Variants in PHACTR2 observed in about 807,000 individuals in gnomAD.
The protein encoded by PHACTR2 is chromosome 6 open reading frame 56.
A neutral mutation model predicts 76.0 loss-of-function variants in PHACTR2; 30 were observed. That is an observed-to-expected ratio of 0.39 (90% CI 0.30 to 0.54). The LOEUF is 0.54. PHACTR2 is among the 20% of genes least tolerant of loss of function. The probability of loss-of-function intolerance (pLI) is 0.61; values close to 1 mark genes in which losing one functional copy is unlikely to be tolerated. For missense variants in PHACTR2, 696 were observed against 781.1 expected, an observed-to-expected ratio of 0.89 and a Z score of 1.30; for synonymous variants, 292 against 292.5, an observed-to-expected ratio of 1.00 and a Z score of 0.02.
intron 9 of PHACTR2, among the ~76,000 whole-genome samples, chr6:143,779,588 T>C (rs1775369769): frequency 6.6e-6 from 1 of 152,144 alleles, no homozygotes. Context: ...GACTTCGTGA[T>C]TCGCCCACCT....
rs143073766 is a variant in PHACTR2, at chr6:143,775,347, G to T, written c.1589+1132G>T. Among the ~76,000 whole-genome samples, 1 of 152,174 alleles carries T rather than the reference G, an allele frequency of 6.6e-6. No homozygotes were observed. The highest frequency in any genetic ancestry group is 1.9e-4 in the East Asian group (1 of 5,202). ...TTTACCAGTGGTCTCTCTCGCTCTCGTCTTCTTAATTCAGCCCTAACCTGT... is the reference window on the plus strand; with the variant it reads ...TTTACCAGTGGTCTCTCTCGCTCTCTTCTTCTTAATTCAGCCCTAACCTGT... On this transcript the variant is annotated intron_variant, in intron 8 of 12. Coordinates refer to ENST00000440869, the MANE Select transcript of PHACTR2 (RefSeq NM_001100164.2). This position sits in a 1 kb window ranked among gnomAD's most constrained non-coding sequence, Gnocchi z 4.4.
chr6:143,683,356 CT>C lies in PHACTR2; in HGVS notation c.46+5154del, dbSNP rs374498523. ...ATGAGAGGTATGTATTTTTTATATTCTTTTTTTAGTCCAAGAATTACATTAC... is the reference window on the plus strand; with the variant it reads ...ATGAGAGGTATGTATTTTTTATATTCTTTTTTAGTCCAAGAATTACATTAC... On this transcript the variant is annotated intron_variant, in intron 1 of 12. Transcript: ENST00000440869. The surrounding 1 kb of genome is among the most constrained non-coding windows in gnomAD (Gnocchi z 4.1). 6.5e-4 allele frequency among the ~76,000 whole-genome samples: 99 copies of C among 152,204 alleles called. 1 individual carries two copies. The East Asian group carries it at 0.013, about 19-fold the overall frequency.
At chr6:143,734,403 C>T (rs1235160343) in intron 2 of PHACTR2, among the ~76,000 whole-genome samples, 1 of 152,188 alleles carries the variant, frequency 6.6e-6, no homozygotes, top group African/African-American at 2.4e-5. Flanking sequence ...CCAAGCCGAG[C>T]TCTGGATTTA....
chr6:143,608,093 C>G, upstream of PHACTR2: 2 of 593,846 alleles, frequency 3.4e-6, no homozygotes, highest in Non-Finnish European at 6.0e-6. The surrounding 1 kb of genome is among the most constrained non-coding windows in gnomAD (Gnocchi z 4.6). Context: ...TTGATAGGCT[C>G]AGTCTCTCTT....
chr6:143,721,131 G>A (rs933159972), intron 2 of PHACTR2, among the ~76,000 whole-genome samples: 3 of 152,166 alleles, frequency 2.0e-5, no homozygotes, highest in Admixed American at 6.5e-5. Flanking sequence ...AGTTTAGAAT[G>A]GCGCATATGT....
chr6:143,727,080 G>A (rs1178049869), intron 2 of PHACTR2, among the ~76,000 whole-genome samples: 1 of 151,942 alleles, frequency 6.6e-6, no homozygotes, highest in African/African-American at 2.4e-5. Context: ...CCATTAATCT[G>A]CCTCTCTTTA....
At chr6:143,603,719 C>A (rs1366179590), upstream of PHACTR2, among the ~76,000 whole-genome samples, 1 of 152,128 alleles carries the variant, frequency 6.6e-6, no homozygotes, top group African/African-American at 2.4e-5. Flanking sequence ...TGGTTTAGTA[C>A]CTTGGAGAGC....
At chr6:143,600,644 G>C (rs1017080750) in intron 1 of PHACTR2, among the ~76,000 whole-genome samples, 6 of 152,334 alleles carry the variant, frequency 3.9e-5, no homozygotes, top group Non-Finnish European at 7.4e-5. Context: ...TTTAGAAAGA[G>C]GCCTGTATCT....
At chr6:143,644,516 CAGTT>C (rs1416686143) in intron 1 of PHACTR2, among the ~76,000 whole-genome samples, 1 of 147,300 alleles carries the variant, frequency 6.8e-6, no homozygotes, top group Non-Finnish European at 1.5e-5. Flanking sequence ...TATTATATCA[CAGTT>C]AGACTCAAAT....
chr6:143,566,408 C>T (rs545888428), intron 1 of PHACTR2, among the ~76,000 whole-genome samples: 1 of 152,286 alleles, frequency 6.6e-6, no homozygotes, highest in Non-Finnish European at 1.5e-5. Context: ...ATCCTCCCAC[C>T]TCAGCCTCAC....
intron 1 of PHACTR2, among the ~76,000 whole-genome samples, chr6:143,620,586 A>G (rs187224103): frequency 6.6e-6 from 1 of 152,354 alleles, no homozygotes; most frequent in East Asian, 1.9e-4. Flanking sequence ...ATATGAAACT[A>G]AGGCAGAGAA....
intron 10 of PHACTR2, among the ~76,000 whole-genome samples, chr6:143,785,998 G>A (rs570786481): frequency 1.3e-5 from 2 of 152,326 alleles, no homozygotes; most frequent in East Asian, 3.9e-4. Flanking sequence ...ATGGTCTTGA[G>A]GATTAACATT....
Position 143,763,821 on chromosome 6 carries a change from C to T in PHACTR2, c.695-1440C>T, listed in dbSNP as rs532749507. On this transcript the variant is annotated intron_variant, in intron 5 of 12. Coordinates refer to ENST00000440869, the MANE Select transcript of PHACTR2 (RefSeq NM_001100164.2). ...CATAACTGGAGGTAAGTTATAATAA[C>T]ATCTGTATACAGTGTGGATTGGCTT... Among the ~76,000 whole-genome samples, 6 of 152,296 alleles carry T rather than the reference C, an allele frequency of 3.9e-5. No individual in the cohort carries two copies. In the East Asian group the frequency reaches 7.7e-4, roughly 20 times the overall value.
intron 11 of PHACTR2, among the ~76,000 whole-genome samples, chr6:143,790,016 C>T (rs539120171): frequency 2.6e-5 from 4 of 152,226 alleles, no homozygotes; most frequent in South Asian, 2.1e-4. Flanking sequence ...GGTAGCACAG[C>T]AGCTTGGAAG....
intron 12 of PHACTR2, among the ~76,000 whole-genome samples, chr6:143,812,240 G>A (rs1358146514): frequency 6.6e-6 from 1 of 152,162 alleles, no homozygotes; most frequent in African/African-American, 2.4e-5. Flanking sequence ...CCAAGGGCAG[G>A]CATGGGAGGG....
Position 143,821,100 on chromosome 6 carries a change from T to C in PHACTR2, c.1923-2574T>C, listed in dbSNP as rs965703584. On this transcript the variant is annotated intron_variant, in intron 12 of 12. Transcript: ENST00000440869. This position sits in a 1 kb window ranked among gnomAD's most constrained non-coding sequence, Gnocchi z 5.2. ...GCACGAGGCAGCAGGGCCCTTGACC[T>C]GGCCCTCGAAAAAGTGAAAGAGTGA... Among the ~76,000 whole-genome samples the C allele has an allele frequency of 2.6e-5, 4 of 152,236 alleles. No homozygotes were observed. The highest frequency in any genetic ancestry group is 4.4e-5 in the Non-Finnish European group (3 of 68,044).
At chr6:143,579,808 C>A (rs1438680390) in intron 1 of PHACTR2, among the ~76,000 whole-genome samples, 1 of 152,146 alleles carries the variant, frequency 6.6e-6, no homozygotes, top group Non-Finnish European at 1.5e-5. Flanking sequence ...TTTATTGTTT[C>A]TGTGAGTCAG....
At chr6:143,797,095 C>T (rs186344247) in intron 11 of PHACTR2, among the ~76,000 whole-genome samples, 6 of 152,224 alleles carry the variant, frequency 3.9e-5, no homozygotes, top group African/African-American at 1.4e-4. Context: ...TTTGAATGAT[C>T]GCCATTCTAA....
rs372493669 is a variant in PHACTR2, at chr6:143,749,055, G to A, written c.285G>A (p.Leu95=). The change falls in exon 3 of 13, where the codon TTG becomes TTA. Residue 95 remains leucine, a synonymous_variant. Transcript: ENST00000440869. ...TAAGAAGGGGAGTGCTTAAGGAATT[G>A]CCTGATCAAGGTGAGGAAATTAATC... ...ELIRRGVLKE[L]PDQDGDVTVN... is the part of the protein sequence containing the mutation. 5 of 1,540,664 alleles carry A rather than the reference G, an allele frequency of 3.2e-6. No individual in the cohort carries two copies. Among genetic ancestry groups the A allele is most frequent in the South Asian group, 1.1e-5 (1 of 89,296 alleles).
Sources: gnomAD v4.1 joint callset for allele counts (sites outside exome capture counted in the v4.1 genomes callset) on GRCh38, gnomAD v4.1.1 for gene constraint, Gnocchi (gnomAD v3.1) non-coding constraint, MANE v1.5 for transcripts, NCBI Gene and HGNC (gene_info 2026-07-23, HGNC 2026-07-21) for gene names.